Variants in FNBP1 observed in about 807,000 individuals in gnomAD.
FNBP1 encodes formin binding protein 1.
A neutral mutation model predicts 90.6 loss-of-function variants in FNBP1; 26 were observed. The ratio of observed to expected loss-of-function variants is 0.29; its 90% CI spans 0.21 to 0.40. FNBP1 has a LOEUF of 0.40. FNBP1 is among the 10% of genes least tolerant of loss of function. The pLI, the probability that FNBP1 is intolerant of heterozygous loss-of-function variation, is 1.00. For synonymous variants in FNBP1, 260 were observed against 265.2 expected (o/e 0.98, Z 0.19); for missense variants, 635 against 768.0 (o/e 0.83, Z 2.05).
At position 129,927,449 on chromosome 9, in the gene FNBP1, G is replaced by A. The variant is rs550771643; in HGVS notation, c.643-108C>T. On this transcript the variant is annotated intron_variant, in intron 7 of 16. Coordinates refer to ENST00000446176, the MANE Select transcript of FNBP1 (RefSeq NM_015033.3). ...ACAAGTTCTCTTTGAGGAAAAAATG[G>A]GTTAGAGTTAGAGCGGCTCTAAGTA... 41 of 1,071,978 alleles carry A rather than the reference G, an allele frequency of 3.8e-5. No homozygotes were observed. In the Middle Eastern group the frequency reaches 1.5e-3, roughly 38 times the overall value. 66.4% of individuals were successfully genotyped at this position (1,071,978 alleles called of 1,614,324 possible).
intron 1 of FNBP1, among the ~76,000 whole-genome samples, chr9:130,026,412 T>C (rs1344121258): frequency 6.6e-6 from 1 of 152,054 alleles, no homozygotes; most frequent in Non-Finnish European, 1.5e-5. Flanking sequence ...GAGAATCGCT[T>C]GAACCTGGGA....
At chr9:130,013,515 C>T (rs926678042) in intron 1 of FNBP1, among the ~76,000 whole-genome samples, 6 of 152,056 alleles carry the variant, frequency 3.9e-5, no homozygotes, top group African/African-American at 1.2e-4. Flanking sequence ...CTGGGGACCT[C>T]GGAAAACAGG....
In FNBP1 at chr9:129,923,985, G is replaced by T; in HGVS notation, c.1029C>A (p.Pro343=). 1 of 1,527,894 alleles carries T rather than the reference G, an allele frequency of 6.5e-7. No homozygotes were observed. The highest frequency in any genetic ancestry group is 2.3e-5 in the Admixed American group (1 of 43,306). 94.6% of individuals were successfully genotyped at this position (1,527,894 alleles called of 1,614,324 possible). A position where few individuals can be genotyped will look rare whatever the true frequency, so the allele number is the denominator to read the frequency against. Residue 343 remains proline (P), a synonymous_variant, in exon 10 of 17, where the codon CCC becomes CCA. Transcript: ENST00000446176. The part of the protein sequence containing the change: ...LLTSPHQPPP[P]PPASASPSAV... ...CAGAGGGTGAGGCAGAGGCAGGAGGGGGAGGGGGAGGCTGATGGGGGGATG... is the reference window on the plus strand; with the variant it reads ...CAGAGGGTGAGGCAGAGGCAGGAGGTGGAGGGGGAGGCTGATGGGGGGATG...
In FNBP1 at chr9:129,923,943, G is replaced by A; in HGVS notation, c.1071C>T (p.Pro357=). Residue 357 remains proline, a synonymous_variant, in exon 10 of 17, where the codon CCC becomes CCT. Transcript: ENST00000446176. ...SASPSAVPNG[P]QSPKQQKEPL... ...GTTCCTTTTGCTGCTTGGGAGACTG[G>A]GGGCCGTTGGGAACAGCAGAGGGTG... is the stretch of plus-strand genomic sequence containing the variant. 6.3e-7 allele frequency: 1 copy of A among 1,588,466 alleles called. No homozygotes were observed. Among genetic ancestry groups the A allele is most frequent in the Non-Finnish European group, 8.5e-7 (1 of 1,170,126 alleles).
intron 1 of FNBP1, among the ~76,000 whole-genome samples, chr9:130,002,275 T>A (rs1023476562): frequency 1.3e-5 from 2 of 152,072 alleles, no homozygotes; most frequent in Non-Finnish European, 2.9e-5. Flanking sequence ...TAATAGAAAA[T>A]AATGTTTATT....
chr9:129,932,594 G>A (rs140950639), intron 6 of FNBP1, among the ~76,000 whole-genome samples: 1 of 152,024 alleles, frequency 6.6e-6, no homozygotes, highest in East Asian at 1.9e-4. Context: ...TTATTACTGA[G>A]GTTTTTTGAG....
chr9:129,920,848 G>A (rs550131261), intron 10 of FNBP1, among the ~76,000 whole-genome samples: 1 of 152,226 alleles, frequency 6.6e-6, no homozygotes, highest in African/African-American at 2.4e-5. Flanking sequence ...TTGGTAAAGC[G>A]GCAGAGATGG....
At chr9:130,043,719 G>A (rs2060016415), upstream of FNBP1, among the ~76,000 whole-genome samples, 1 of 152,202 alleles carries the variant, frequency 6.6e-6, no homozygotes, top group African/African-American at 2.4e-5. Flanking sequence ...AAGCGCGACG[G>A]CCTCGAGTGG....
intron 6 of FNBP1, among the ~76,000 whole-genome samples, chr9:129,944,746 C>T (rs1043650688): frequency 2.0e-5 from 3 of 152,142 alleles, no homozygotes; most frequent in Non-Finnish European, 4.4e-5. Context: ...TCCTTACTTA[C>T]AGAACAGGAA....
At chr9:129,958,693 AGGGGTAGCC>A in intron 4 of FNBP1, 140 bp from the exon 5 acceptor site, 1 of 672,196 alleles carries the variant, frequency 1.5e-6, no homozygotes. Context: ...AAGAGTTGAA[AGGGGTAGCC>A]GGGTGCGGTG....
intron 12 of FNBP1, among the ~76,000 whole-genome samples, chr9:129,903,865 C>T (rs189853612): frequency 6.6e-6 from 1 of 151,988 alleles, no homozygotes; most frequent in Non-Finnish European, 1.5e-5. Flanking sequence ...GGTGAAACCC[C>T]GTCTCTACTA....
At chr9:130,030,247 T>G (rs2058684672) in intron 1 of FNBP1, among the ~76,000 whole-genome samples, 1 of 151,944 alleles carries the variant, frequency 6.6e-6, no homozygotes, top group Non-Finnish European at 1.5e-5. Flanking sequence ...CCAGCCTGGC[T>G]AACATGGTGA....
chr9:129,998,602 C>T (rs2054367081), intron 1 of FNBP1, among the ~76,000 whole-genome samples: 1 of 152,032 alleles, frequency 6.6e-6, no homozygotes, highest in Non-Finnish European at 1.5e-5. Flanking sequence ...ATAGGTGCCA[C>T]CTTGAAAACT....
intron 2 of FNBP1, among the ~76,000 whole-genome samples, 199 bp downstream of exon 2, chr9:129,994,644 T>C (rs1240396453): frequency 6.6e-6 from 1 of 152,122 alleles, no homozygotes; most frequent in Non-Finnish European, 1.5e-5. Context: ...AACTGGGCCT[T>C]AAAGCAGTAA....
chr9:130,022,831 G>A (rs776206937), intron 1 of FNBP1, among the ~76,000 whole-genome samples: 5 of 152,212 alleles, frequency 3.3e-5, no homozygotes, highest in African/African-American at 4.8e-5. Flanking sequence ...GCGTTAGCAC[G>A]CCCAACTAAT....
intron 15 of FNBP1, among the ~76,000 whole-genome samples, chr9:129,897,475 G>A (rs953117178): frequency 6.6e-5 from 10 of 152,164 alleles, no homozygotes; most frequent in Admixed American, 5.2e-4. Flanking sequence ...GAAAAGTCCT[G>A]TAGTAAAGAA....
chr9:129,933,926 C>A (rs1004021309), intron 6 of FNBP1, among the ~76,000 whole-genome samples: 3 of 152,176 alleles, frequency 2.0e-5, no homozygotes, highest in South Asian at 2.1e-4. Flanking sequence ...TTGTTCTAAC[C>A]AAATTTCACT....
At chr9:129,990,262 CAAG>C (rs926735705) in intron 2 of FNBP1, among the ~76,000 whole-genome samples, 7 of 151,832 alleles carry the variant, frequency 4.6e-5, no homozygotes, top group Admixed American at 1.3e-4. Context: ...CAAAACTAAA[CAAG>C]AAAACTATAT....
chr9:129,931,176 G>C (rs1453624257), intron 6 of FNBP1, among the ~76,000 whole-genome samples: 1 of 152,076 alleles, frequency 6.6e-6, no homozygotes, highest in Non-Finnish European at 1.5e-5. Flanking sequence ...TGTGCCTATA[G>C]TTCCAGTTAC....
Sources: allele counts gnomAD v4.1 joint callset (sites outside exome capture counted in the v4.1 genomes callset), GRCh38; gene constraint gnomAD v4.1.1; transcripts MANE v1.5; gene names NCBI Gene and HGNC (gene_info 2026-07-23, HGNC 2026-07-21).